Variants in BCAT1 observed in about 807,000 individuals in gnomAD.
The protein encoded by BCAT1 is branched-chain-amino-acid aminotransferase, cytosolic.
Under a neutral mutation model 52.4 loss-of-function variants are expected in BCAT1, and 48 were observed. That is an observed-to-expected ratio of 0.92 (90% CI 0.73 to 1.16). BCAT1 has a LOEUF of 1.16. BCAT1 is among the 50% of genes most tolerant of loss of function. The pLI is 0.00. For synonymous variants in BCAT1, 167 were observed against 161.3 expected (o/e 1.04, Z -0.27); for missense variants, 451 against 457.1 (o/e 0.99, Z 0.12).
At chr12:24,879,935 C>T (rs905623823) in intron 4 of BCAT1, among the ~76,000 whole-genome samples, 2 of 152,186 alleles carry the variant, frequency 1.3e-5, no homozygotes, top group Admixed American at 1.3e-4. Context: ...CTTCCCTTTC[C>T]TTCCAGCCCC....
chr12:24,827,564 G>A (rs1940456572), intron 10 of BCAT1, among the ~76,000 whole-genome samples: 1 of 152,188 alleles, frequency 6.6e-6, no homozygotes. Context: ...GGCTAAGGTG[G>A]GCAAATCACT....
intron 2 of BCAT1, among the ~76,000 whole-genome samples, chr12:24,895,911 C>T (rs1461964603): frequency 6.6e-6 from 1 of 152,146 alleles, no homozygotes; most frequent in African/African-American, 2.4e-5. Context: ...GCATTAAGGA[C>T]AGAATATTAC....
chr12:24,851,717 G>A lies in BCAT1; in HGVS notation c.511-1768C>T, dbSNP rs755488672. ...AAAGGAGGACCATCCTACCAGTAAA[G>A]GATAAAGCGCCTTAAAGCTTCATTT... On this transcript the variant is annotated intron_variant, in intron 5 of 10. Coordinates refer to ENST00000261192, the MANE Select transcript of BCAT1 (RefSeq NM_005504.7). Among the ~76,000 whole-genome samples the A allele has an allele frequency of 2.6e-4, 40 of 152,302 alleles. 1 individual carries two copies. Among genetic ancestry groups the A allele is most frequent in the South Asian group, 1.5e-3 (7 of 4,822 alleles).
At chr12:24,872,751 C>G (rs1388665148) in intron 5 of BCAT1, among the ~76,000 whole-genome samples, 3 of 152,232 alleles carry the variant, frequency 2.0e-5, no homozygotes, top group African/African-American at 7.2e-5. Context: ...GGGCTAACTC[C>G]TGACAGTTTC....
intron 3 of BCAT1, among the ~76,000 whole-genome samples, chr12:24,890,745 A>G (rs1272252083): frequency 1.3e-5 from 2 of 152,180 alleles, no homozygotes; most frequent in African/African-American, 4.8e-5. Flanking sequence ...ATGATCAAGA[A>G]ATAACCATTA....
At chr12:24,853,127 C>CA (rs1270981543) in intron 5 of BCAT1, among the ~76,000 whole-genome samples, 22 of 151,918 alleles carry the variant, frequency 1.4e-4, no homozygotes, top group Non-Finnish European at 1.6e-4. Context: ...AACTGTTATA[C>CA]AAAAAAAGGT....
chr12:24,827,876 T>C (rs1438176243), intron 10 of BCAT1, among the ~76,000 whole-genome samples: 5 of 152,204 alleles, frequency 3.3e-5, no homozygotes, highest in African/African-American at 1.2e-4. Context: ...AAGTCTCTTT[T>C]AAAACTGCCT....
At chr12:24,857,993 G>A (rs1394962243) in intron 5 of BCAT1, among the ~76,000 whole-genome samples, 2 of 152,136 alleles carry the variant, frequency 1.3e-5, no homozygotes, top group African/African-American at 4.8e-5. Flanking sequence ...AACTCCCAGA[G>A]GGGATGGGCT....
At chr12:24,866,675 T>G (rs1001704765) in intron 5 of BCAT1, among the ~76,000 whole-genome samples, 3 of 152,204 alleles carry the variant, frequency 2.0e-5, no homozygotes, top group African/African-American at 7.2e-5. Flanking sequence ...CAGCACTCTG[T>G]GTCTAGCTCA....
intron 1 of BCAT1, among the ~76,000 whole-genome samples, chr12:24,929,700 G>T (rs562370735): frequency 6.6e-6 from 1 of 152,068 alleles, no homozygotes; most frequent in East Asian, 1.9e-4. Flanking sequence ...ACCTATGCTT[G>T]CTATACACTT....
At chr12:24,918,572 A>G (rs1380011962) in intron 1 of BCAT1, among the ~76,000 whole-genome samples, 1 of 152,186 alleles carries the variant, frequency 6.6e-6, no homozygotes, top group Non-Finnish European at 1.5e-5. Flanking sequence ...TATTAATAAT[A>G]TATGTTAATG....
At chr12:24,888,205 T>TA (rs895651662) in intron 3 of BCAT1, among the ~76,000 whole-genome samples, 33 of 148,248 alleles carry the variant, frequency 2.2e-4, no homozygotes, top group African/African-American at 4.9e-4. Flanking sequence ...ATGTGGGGGT[T>TA]AAAAAAAAAA....
chr12:24,855,182 T>G (rs527355217), intron 5 of BCAT1, among the ~76,000 whole-genome samples: 2 of 152,246 alleles, frequency 1.3e-5, no homozygotes, highest in East Asian at 1.9e-4. Context: ...TTAACAGATG[T>G]TCCAGAGTTG....
chr12:24,825,628 T>A (rs2353479), intron 10 of BCAT1, among the ~76,000 whole-genome samples: 74,645 of 151,942 alleles, frequency 0.49, 18,883 homozygotes, highest in East Asian at 0.64. Flanking sequence ...TCAGATCTTT[T>A]ATCCATTTTT....
At chr12:24,846,633 G>T (rs538150235) in intron 6 of BCAT1, among the ~76,000 whole-genome samples, 1 of 152,316 alleles carries the variant, frequency 6.6e-6, no homozygotes, top group Admixed American at 6.5e-5. Context: ...CACAACATCA[G>T]TGACTGTGAG....
At chr12:24,827,669 A>G (rs10743523) in intron 10 of BCAT1, among the ~76,000 whole-genome samples, 132,029 of 152,168 alleles carry the variant, frequency 0.87, 57,318 homozygotes, top group Admixed American at 0.89. Context: ...GTGCATGCCC[A>G]TAATCCCTGC....
chr12:24,896,277 C>A (rs191319878), intron 2 of BCAT1, among the ~76,000 whole-genome samples: 31 of 152,184 alleles, frequency 2.0e-4, no homozygotes, highest in African/African-American at 7.5e-4. Flanking sequence ...CTTTTCTCTC[C>A]CGTTGTCCTC....
chr12:24,894,718 AGAG>A (rs1942921240), intron 2 of BCAT1, among the ~76,000 whole-genome samples: 1 of 152,202 alleles, frequency 6.6e-6, no homozygotes, highest in African/African-American at 2.4e-5. Context: ...GATATATAGA[AGAG>A]GGACAAAATA....
At chr12:24,882,269 T>C (rs1055477955) in intron 3 of BCAT1, among the ~76,000 whole-genome samples, 2 of 152,024 alleles carry the variant, frequency 1.3e-5, no homozygotes, top group African/African-American at 4.8e-5. Flanking sequence ...TTTTGGAAAA[T>C]AAATCCACCA....
Sources: allele counts gnomAD v4.1 joint callset (sites outside exome capture counted in the v4.1 genomes callset), GRCh38; gene constraint gnomAD v4.1.1; transcripts MANE v1.5; gene names NCBI Gene and HGNC (gene_info 2026-07-23, HGNC 2026-07-21).